Variants in NBAS observed in about 807,000 individuals in gnomAD.
NBAS encodes NBAS subunit of NRZ tethering complex.
In NBAS, 219 loss-of-function variants were observed where a neutral mutation model predicts 302.5. The observed-to-expected ratio is 0.72, with a 90% CI of 0.65 to 0.81. NBAS has a LOEUF of 0.81. Ranked by LOEUF, NBAS falls within the 30% of genes least tolerant of loss-of-function variation. The pLI is 0.00. For missense variants in NBAS, 2,932 were observed against 2,841.6 expected, an observed-to-expected ratio of 1.03 and a Z score of -0.72; for synonymous variants, 1,118 against 1,021.6, an observed-to-expected ratio of 1.09 and a Z score of -1.80.
chr2:15,550,104 A>G (rs1040295772), intron 6 of NBAS, among the ~76,000 whole-genome samples: 1 of 152,172 alleles, frequency 6.6e-6, no homozygotes, highest in Non-Finnish European at 1.5e-5. Context: ...GTCAGGCTGC[A>G]GTAAACCATG....
the NBAS span, among the ~76,000 whole-genome samples, chr2:14,784,150 C>A: frequency 8.5e-5 from 13 of 152,050 alleles, no homozygotes; most frequent in African/African-American, 2.9e-4. Flanking sequence ...TGTCCTTTGC[C>A]CACTTTTTGA....
At chr2:15,436,908 G>GA (rs1678044313) in intron 21 of NBAS, among the ~76,000 whole-genome samples, 1 of 152,178 alleles carries the variant, frequency 6.6e-6, no homozygotes, top group South Asian at 2.1e-4. Flanking sequence ...TAGATGGATA[G>GA]ATAGACAGGA....
At chr2:15,058,015 C>T in the NBAS span, among the ~76,000 whole-genome samples, 3 of 152,172 alleles carry the variant, frequency 2.0e-5, no homozygotes, top group Non-Finnish European at 2.9e-5. Context: ...CTAGTACCAC[C>T]GCTATGGAAA....
the NBAS span, among the ~76,000 whole-genome samples, chr2:15,046,799 A>G: frequency 3.3e-5 from 5 of 152,278 alleles, no homozygotes; most frequent in South Asian, 8.3e-4. Context: ...TAACTCTAAG[A>G]TGGGGGCCTG....
the NBAS span, among the ~76,000 whole-genome samples, chr2:14,813,908 G>A: frequency 6.6e-6 from 1 of 152,130 alleles, no homozygotes; most frequent in Non-Finnish European, 1.5e-5. Flanking sequence ...GGGGGGCCAG[G>A]CCCATGGCCC....
At chr2:15,319,303 T>C (rs1671674188) in intron 38 of NBAS, among the ~76,000 whole-genome samples, 2 of 152,104 alleles carry the variant, frequency 1.3e-5, no homozygotes, top group South Asian at 4.1e-4. Context: ...GCAGGAAAGA[T>C]ATAAAATCGA....
chr2:15,366,521 A>G (rs765723830), intron 32 of NBAS, 59 bp downstream of exon 32: 184 of 1,461,636 alleles, frequency 1.3e-4, no homozygotes, highest in Non-Finnish European at 1.6e-4. Context: ...ATTGTCCTGC[A>G]ATGATGTCAA....
Position 15,379,617 on chromosome 2 carries a change from C to T in NBAS, c.3575G>A (p.Cys1192Tyr). 1 of 1,613,838 alleles carries T rather than the reference C, an allele frequency of 6.2e-7. No homozygotes were observed. Among genetic ancestry groups the T allele is most frequent in the Non-Finnish European group, 8.5e-7 (1 of 1,179,908 alleles). Residue 1192 changes from cysteine (C) to tyrosine (Y), a missense_variant, in exon 30 of 52, where the codon TGC (cysteine) becomes TAC (tyrosine). By Grantham distance (194) the Cys-to-Tyr change is radical (BLOSUM62 -2). Transcript: ENST00000281513. ...FNSSTNLTDS[C>Y]MDLARCCLQL... is the part of the protein sequence containing the mutation. ...GTTATTCTACCTGGCTAGATCCATG[C>T]AGCTATCAGTGAGGTTGGTAGAAGA...
chr2:14,784,678 A>G, the NBAS span, among the ~76,000 whole-genome samples: 1 of 152,066 alleles, frequency 6.6e-6, no homozygotes, highest in Non-Finnish European at 1.5e-5. Context: ...ATTGATATAT[A>G]TCTCTGTTTT....
At chr2:15,506,128 G>A (rs1661837539) in intron 10 of NBAS, among the ~76,000 whole-genome samples, 1 of 152,016 alleles carries the variant, frequency 6.6e-6, no homozygotes, top group African/African-American at 2.4e-5. Flanking sequence ...AAAAACTACT[G>A]GAAAGAGAAG....
chr2:14,849,232 G>A, the NBAS span, among the ~76,000 whole-genome samples: 2 of 151,550 alleles, frequency 1.3e-5, no homozygotes, highest in Non-Finnish European at 2.9e-5. Context: ...AGTGCTTAAA[G>A]GAGCTGATGG....
chr2:14,895,511 G>C, the NBAS span, among the ~76,000 whole-genome samples: 2 of 152,138 alleles, frequency 1.3e-5, no homozygotes, highest in Non-Finnish European at 2.9e-5. Context: ...GGAAAAGGCG[G>C]GTGGATCACA....
the NBAS span, among the ~76,000 whole-genome samples, chr2:15,114,355 T>G: frequency 6.6e-6 from 1 of 152,188 alleles, no homozygotes; most frequent in Non-Finnish European, 1.5e-5. Flanking sequence ...CAAGTGGTCT[T>G]CCCTCTGTAC....
chr2:15,193,541 T>C (rs1309113075), intron 48 of NBAS, among the ~76,000 whole-genome samples: 1 of 152,164 alleles, frequency 6.6e-6, no homozygotes, highest in Non-Finnish European at 1.5e-5. Context: ...TTAAAATATC[T>C]AAAAAACGAA....
intron 9 of NBAS, among the ~76,000 whole-genome samples, chr2:15,532,506 A>C (rs957915995): frequency 6.0e-5 from 9 of 151,056 alleles, no homozygotes; most frequent in Non-Finnish European, 1.2e-4. Flanking sequence ...AAAAAAAAAA[A>C]AAAACTATAA....
rs141935290 is a variant in NBAS, at chr2:15,229,012, G to C, written c.6236+3410C>G. On this transcript the variant is annotated intron_variant, in intron 47 of 51. Coordinates refer to ENST00000281513, the MANE Select transcript of NBAS (RefSeq NM_015909.4). ...GAAATGATACATGTTTAAAATGATGGATATGGTAATTATACCAATTTTATC... is the reference window on the plus strand; with the variant it reads ...GAAATGATACATGTTTAAAATGATGCATATGGTAATTATACCAATTTTATC... Among the ~76,000 whole-genome samples the C allele has an allele frequency of 3.3e-3, 504 of 152,234 alleles. 3 individuals are homozygous for C. Among genetic ancestry groups the C allele is most frequent in the Non-Finnish European group, 4.8e-3 (328 of 68,002 alleles).
At chr2:15,060,518 G>A in the NBAS span, among the ~76,000 whole-genome samples, 1 of 152,098 alleles carries the variant, frequency 6.6e-6, no homozygotes, top group Admixed American at 6.5e-5. Flanking sequence ...GGGAGGCATC[G>A]GTGACAAGCT....
At chr2:15,445,215 T>C (rs1288493129) in intron 21 of NBAS, among the ~76,000 whole-genome samples, 84 of 150,258 alleles carry the variant, frequency 5.6e-4, no homozygotes, top group African/African-American at 2.0e-3. Context: ...TGTATGTTTA[T>C]TGCGGCACTA....
rs1414416490 is a variant in NBAS, at chr2:15,424,408, C to T, written c.2484G>A (p.Glu828=). ...GCTGGGTCATCCTGAACCTTAGTAA[C>T]TCAGGCTGTGCAGCATACAAGAATT... ...ESEFLYAAQP[E]LLRFRMTQLT... Residue 828 remains glutamate, a synonymous_variant, in exon 23 of 52, where the codon GAG becomes GAA. Transcript: ENST00000281513. The T allele has an allele frequency of 1.2e-6, 2 of 1,614,018 alleles. No individual in the cohort carries two copies.
Sources: gnomAD v4.1 joint callset for allele counts (sites outside exome capture counted in the v4.1 genomes callset) on GRCh38, gnomAD v4.1.1 for gene constraint, MANE v1.5 for transcripts, NCBI Gene and HGNC (gene_info 2026-07-23, HGNC 2026-07-21) for gene names.